The following KALRN variants were observed in gnomAD, a reference collection of about 807,000 sequenced individuals.
KALRN encodes kalirin.
A neutral mutation model predicts 353.7 loss-of-function variants in KALRN; 70 were observed. The observed-to-expected ratio is 0.20, with a 90% confidence interval of 0.16 to 0.24. The LOEUF (loss-of-function observed/expected upper bound fraction) is 0.24. Among genes scored for constraint, KALRN ranks in the 10% least tolerant of loss-of-function variants. The pLI, the probability that KALRN is intolerant of heterozygous loss-of-function variation, is 1.00. For synonymous variants in KALRN, 1,391 were observed against 1,434.8 expected (o/e 0.97, Z 0.69); for missense variants, 2,791 against 3,756.7 (o/e 0.74, Z 6.72).
chr3:124,649,682 G>A lies in KALRN; in HGVS notation c.5665-1126G>A, dbSNP rs373813319. ...GGTGCATGACTGTCCCAGTTATTTG[G>A]GAGGCTGAGGTGAGAGGATTGCTTG... On this transcript the variant is annotated intron_variant, in intron 37 of 59. Coordinates refer to ENST00000682506, the MANE Select transcript of KALRN (RefSeq NM_001388419.1). 4.3e-4 allele frequency among the ~76,000 whole-genome samples: 65 copies of A among 151,866 alleles called. No homozygotes were observed. The East Asian group carries it at 0.011, about 25-fold the overall frequency.
At position 124,434,422 on chromosome 3, in the gene KALRN, G is replaced by A. The variant is rs774513024; in HGVS notation, c.2945G>A (p.Cys982Tyr). The stretch of plus-strand genomic sequence containing the variant: ...TACGATGCCGATGCCATCCGGGAAT[G>A]TGCTGAGAAGGTGGCCCTCCACTGG... ...GHYDADAIRE[C>Y]AEKVALHWQQ... The change falls in exon 17 of 60, where the codon TGT (cysteine) becomes TAT (tyrosine). Residue 982 changes from cysteine (C) to tyrosine (Y), a missense_variant. Around this residue, in one of 11 missense-constraint regions of KALRN, gnomAD observed 452 missense variants for 575.8 expected, o/e 0.78. Transcript: ENST00000682506. 1 of 1,614,216 alleles carries A rather than the reference G, an allele frequency of 6.2e-7. No individual in the cohort carries two copies. Among genetic ancestry groups the A allele is most frequent in the East Asian group, 2.2e-5 (1 of 44,882 alleles).
At chr3:124,213,931 A>T (rs1214042326) in intron 1 of KALRN, among the ~76,000 whole-genome samples, 1 of 152,208 alleles carries the variant, frequency 6.6e-6, no homozygotes, top group Non-Finnish European at 1.5e-5. Flanking sequence ...TTGACTTGTT[A>T]TCATAACCAC....
chr3:124,163,866 C>T, intron 1 of KALRN: 5 of 985,468 alleles, frequency 5.1e-6, no homozygotes, highest in Non-Finnish European at 6.0e-6. Flanking sequence ...CTCTGCATGA[C>T]CAAGCCTTGG....
At position 124,693,479 on chromosome 3, in the gene KALRN, T is replaced by C. The variant is rs1047985706; in HGVS notation, c.7378-325T>C. On this transcript the variant is annotated intron_variant, in intron 51 of 59. Coordinates refer to ENST00000682506, the MANE Select transcript of KALRN (RefSeq NM_001388419.1). ...ACCAAGAGAGTGGGTTTTCTGCCTG[T>C]GAAGGGAAGAAAAGCAACTGAGAAG... is the stretch of plus-strand genomic sequence containing the variant. 2.0e-5 allele frequency among the ~76,000 whole-genome samples: 3 copies of C among 152,026 alleles called. No homozygotes were observed. In the East Asian group the frequency reaches 5.8e-4, roughly 29 times the overall value.
chr3:124,410,245 A>G (rs578108769), intron 13 of KALRN: 6 of 533,284 alleles, frequency 1.1e-5, no homozygotes, highest in Non-Finnish European at 1.9e-5. Context: ...ATTCCTGGCT[A>G]TGGGACTCCT....
At chr3:124,038,328 G>A (rs914873385) in intron 1 of KALRN, among the ~76,000 whole-genome samples, 2 of 152,048 alleles carry the variant, frequency 1.3e-5, no homozygotes, top group Admixed American at 6.5e-5. Context: ...GTGGTGAGTG[G>A]GAATCAGCTA....
At position 124,667,035 on chromosome 3, in the gene KALRN, G is replaced by T. The variant is rs199695356; in HGVS notation, c.6555G>T (p.Glu2185Asp). 1 of 1,611,716 alleles carries T rather than the reference G, an allele frequency of 6.2e-7. No individual in the cohort carries two copies. Among genetic ancestry groups the T allele is most frequent in the South Asian group, 1.1e-5 (1 of 90,856 alleles). The change falls in exon 47 of 60, where the codon GAG (glutamate) becomes GAT (aspartate). Residue 2185 changes from glutamate to aspartate, a missense_variant. This residue lies in a region of KALRN where 1,065 missense variants were observed against 1,156.4 expected (regional missense o/e 0.92). Transcript: ENST00000682506. ...AGATGAATTACTTGGTCCTGGAGGA[G>T]AATGTGGACAATGATCCCTGCAAGT... ...SIKMNYLVLE[E>D]NVDNDPCKFA...
chr3:124,620,183 C>T (rs915827093), intron 34 of KALRN, among the ~76,000 whole-genome samples: 10 of 152,102 alleles, frequency 6.6e-5, no homozygotes, highest in African/African-American at 1.9e-4. Context: ...TCACTGCAGC[C>T]TTGACCTCCT....
At chr3:124,045,786 T>C (rs2149109104) in intron 1 of KALRN, among the ~76,000 whole-genome samples, 1 of 151,556 alleles carries the variant, frequency 6.6e-6, no homozygotes, top group Non-Finnish European at 1.5e-5. Flanking sequence ...AAACAGGTGA[T>C]TGCAGTGTAG....
At chr3:124,204,444 G>A (rs2076228918) in intron 1 of KALRN, among the ~76,000 whole-genome samples, 1 of 152,194 alleles carries the variant, frequency 6.6e-6, no homozygotes. Flanking sequence ...CACATGTGGA[G>A]TGTTTACTTT....
At chr3:124,484,409 T>C (rs1260162499) in intron 28 of KALRN, among the ~76,000 whole-genome samples, 1 of 152,168 alleles carries the variant, frequency 6.6e-6, no homozygotes, top group Non-Finnish European at 1.5e-5. Flanking sequence ...GACATCTGCT[T>C]CCAGTGCTCC....
chr3:124,607,149 AG>A (rs1236644775), intron 34 of KALRN, among the ~76,000 whole-genome samples: 8 of 152,266 alleles, frequency 5.3e-5, no homozygotes, highest in Non-Finnish European at 1.2e-4. Context: ...GAACATGGAC[AG>A]TGACATTGTT....
intron 10 of KALRN, among the ~76,000 whole-genome samples, chr3:124,369,210 T>C (rs2085480422): frequency 6.6e-6 from 1 of 152,234 alleles, no homozygotes; most frequent in South Asian, 2.1e-4. Context: ...GTAATGAAAT[T>C]TATTTGTATT....
chr3:124,539,008 C>T (rs1024967678), intron 33 of KALRN, among the ~76,000 whole-genome samples: 7 of 152,158 alleles, frequency 4.6e-5, no homozygotes, highest in South Asian at 2.1e-4. Context: ...ACCATGCTGT[C>T]GCATGGTGCC....
chr3:124,470,621 T>C (rs889844182), intron 25 of KALRN, among the ~76,000 whole-genome samples: 3 of 152,220 alleles, frequency 2.0e-5, no homozygotes, highest in Admixed American at 2.0e-4. Context: ...CATCCTGGAA[T>C]CTAGGACAGT....
chr3:124,484,035 G>T (rs1252593872), intron 28 of KALRN, among the ~76,000 whole-genome samples: 1 of 152,182 alleles, frequency 6.6e-6, no homozygotes, highest in Non-Finnish European at 1.5e-5. Flanking sequence ...AAAGATAAAG[G>T]GATAGTAGGG....
At chr3:124,084,540 C>T (rs986349383) in intron 1 of KALRN, among the ~76,000 whole-genome samples, 16 of 152,214 alleles carry the variant, frequency 1.1e-4, no homozygotes, top group Non-Finnish European at 1.9e-4. Context: ...TCAAGATGAG[C>T]TCCATACAGT....
chr3:124,295,229 C>T (rs973543176), intron 5 of KALRN, among the ~76,000 whole-genome samples: 5 of 152,154 alleles, frequency 3.3e-5, no homozygotes, highest in African/African-American at 1.2e-4. Flanking sequence ...ACCATCTAAT[C>T]CCCAGAGCAG....
At chr3:124,295,778 A>G (rs1478010019) in intron 5 of KALRN, among the ~76,000 whole-genome samples, 3 of 152,250 alleles carry the variant, frequency 2.0e-5, no homozygotes, top group African/African-American at 7.2e-5. Context: ...ATTTTAAAAT[A>G]GGGCTGGGAG....
Sources: gnomAD v4.1 joint callset for allele counts (sites outside exome capture counted in the v4.1 genomes callset) on GRCh38, gnomAD v4.1.1 for gene constraint, gnomAD v4.1.1 regional missense constraint, MANE v1.5 for transcripts, NCBI Gene and HGNC (gene_info 2026-07-23, HGNC 2026-07-21) for gene names.